The following MAP3K13 variants were observed in gnomAD, a reference collection of about 807,000 sequenced individuals.
MAP3K13 encodes the protein leucine zipper-bearing kinase.
A neutral mutation model predicts 104.0 loss-of-function variants in MAP3K13; 52 were observed. The ratio of observed to expected loss-of-function variants is 0.50; its 90% CI spans 0.40 to 0.63. MAP3K13 has a LOEUF of 0.63. Among genes scored for constraint, MAP3K13 ranks in the 20% least tolerant of loss-of-function variants. The probability of loss-of-function intolerance (pLI) is 0.00; values close to 1 mark genes in which losing one functional copy is unlikely to be tolerated. For synonymous variants in MAP3K13, 394 were observed against 442.2 expected, an observed-to-expected ratio of 0.89 and a Z score of 1.37; for missense variants, 914 against 1,218.5, an observed-to-expected ratio of 0.75 and a Z score of 3.72.
intron 2 of MAP3K13, among the ~76,000 whole-genome samples, chr3:185,336,556 A>T (rs1246058698): frequency 2.3e-5 from 2 of 88,598 alleles, no homozygotes; most frequent in African/African-American, 9.9e-5. Context: ...AAAAAAAAAA[A>T]AGAAAAGAAA....
intron 1 of MAP3K13, among the ~76,000 whole-genome samples, chr3:185,398,503 C>T (rs991152311): frequency 2.6e-5 from 4 of 152,194 alleles, no homozygotes; most frequent in Non-Finnish European, 5.9e-5. Flanking sequence ...GCGTTTGTGG[C>T]TATCTCCCCT....
At chr3:185,407,442 A>T (rs1243698988) in intron 1 of MAP3K13, among the ~76,000 whole-genome samples, 1 of 152,248 alleles carries the variant, frequency 6.6e-6, no homozygotes, top group African/African-American at 2.4e-5. Flanking sequence ...TACACAAAAT[A>T]GAACGTTATA....
chr3:185,295,056 A>G (rs551236173), intron 2 of MAP3K13, among the ~76,000 whole-genome samples: 1 of 152,256 alleles, frequency 6.6e-6, no homozygotes, highest in South Asian at 2.1e-4. Flanking sequence ...TGGTCCTCCA[A>G]TCTAAACTCT....
In MAP3K13 at chr3:185,463,540, C is replaced by T. The variant is rs1389658443; in HGVS notation, c.1279-10C>T. ...TGGAATTTATCAAAATCTAATTTGTCCTTACCCAGGCTGAATGGAGAGAAG... is the reference window on the plus strand; with the variant it reads ...TGGAATTTATCAAAATCTAATTTGTTCTTACCCAGGCTGAATGGAGAGAAG... On this transcript the variant is annotated splice_polypyrimidine_tract_variant and intron_variant, in intron 7 of 13. Transcript: ENST00000265026. 1.3e-6 allele frequency: 2 copies of T among 1,508,960 alleles called. No homozygotes were observed. The highest frequency in any genetic ancestry group is 1.8e-6 in the Non-Finnish European group (2 of 1,086,336). The allele number at this position is 1,508,960 out of a possible 1,614,324, so 93.5% of individuals were successfully genotyped here. A position where few individuals can be genotyped will look rare whatever the true frequency, so the allele number is the denominator to read the frequency against.
At chr3:185,386,136 T>C (rs1401081983) in intron 1 of MAP3K13, among the ~76,000 whole-genome samples, 1 of 151,870 alleles carries the variant, frequency 6.6e-6, no homozygotes, top group Non-Finnish European at 1.5e-5. Flanking sequence ...ATCTACGGAA[T>C]GGGAGAAAAT....
At chr3:185,458,129 G>A (rs551724367) in intron 7 of MAP3K13, among the ~76,000 whole-genome samples, 190 of 152,306 alleles carry the variant, frequency 1.2e-3, no homozygotes, top group African/African-American at 4.4e-3. Flanking sequence ...AGCACTTTGG[G>A]AGACCGAGAT....
At chr3:185,314,032 A>G (rs960748354) in intron 2 of MAP3K13, among the ~76,000 whole-genome samples, 3 of 152,254 alleles carry the variant, frequency 2.0e-5, no homozygotes, top group Admixed American at 6.5e-5. Context: ...TAAGAGATCC[A>G]GATTCAGTCC....
chr3:185,480,535 G>C lies in MAP3K13; in HGVS notation c.2799+6G>C, dbSNP rs934814471. On this transcript the variant is annotated splice_donor_region_variant and intron_variant, in intron 13 of 13. Transcript: ENST00000265026. ...TGGAGGAACGTGGCTATGAGGTGGG[G>C]GCTTCTCCCTTCTCCTCCCATCACT... 6 of 1,610,638 alleles carry C rather than the reference G, an allele frequency of 3.7e-6. No individual in the cohort carries two copies. The highest frequency in any genetic ancestry group is 5.1e-6 in the Non-Finnish European group (6 of 1,177,642).
intron 2 of MAP3K13, among the ~76,000 whole-genome samples, chr3:185,354,608 T>TA (rs557763258): frequency 6.1e-5 from 9 of 146,444 alleles, no homozygotes; most frequent in Non-Finnish European, 1.0e-4. Flanking sequence ...GTTATAAGTA[T>TA]GGGGGGGGGG....
At chr3:185,336,141 G>C (rs1478680307) in intron 2 of MAP3K13, among the ~76,000 whole-genome samples, 1 of 152,156 alleles carries the variant, frequency 6.6e-6, no homozygotes, top group South Asian at 2.1e-4. Flanking sequence ...AGAGAGTAGA[G>C]GCCAAACTTC....
chr3:185,466,875 C>T lies in MAP3K13; in HGVS notation c.1555C>T (p.Pro519Ser). The T allele has an allele frequency of 3.7e-6, 6 of 1,613,954 alleles. No homozygotes were observed. The Admixed American group carries it at 8.3e-5, about 22-fold the overall frequency. Residue 519 changes from proline (P) to serine (S), a missense_variant, in exon 10 of 14, where the codon CCT becomes TCT. Physicochemically the swap from Pro to Ser is moderately conservative, Grantham distance 74. This residue lies in a region of MAP3K13 where 583 missense variants were observed against 737.4 expected (regional missense o/e 0.79). Transcript: ENST00000265026. The stretch of plus-strand genomic sequence containing the variant: ...GTATCCTGGGACCTACAAACGACAC[C>T]CTGTTCGTCCTATCATCCATCCCAA... ...KKYPGTYKRH[P>S]VRPIIHPNAM...
chr3:185,484,478 T>C lies in MAP3K13; in HGVS notation c.*2022T>C, dbSNP rs368386318. On this transcript the variant is annotated 3_prime_UTR_variant, in exon 14 of 14. Transcript: ENST00000265026. ...AGGAAATACTTGCACAGACAGCTGT[T>C]AAACCATTTCCAATGCACATGAAAA... is the stretch of plus-strand genomic sequence containing the variant. 29 of 152,348 alleles carry C rather than the reference T, an allele frequency of 1.9e-4. No homozygotes were observed. Among genetic ancestry groups the C allele is most frequent in the African/African-American group, 6.5e-4 (27 of 41,572 alleles). 9.4% of individuals were successfully genotyped at this position (152,348 alleles called of 1,614,324 possible).
At chr3:185,453,966 T>TAC (rs1474939598) in intron 7 of MAP3K13, among the ~76,000 whole-genome samples, 22 of 24,146 alleles carry the variant, frequency 9.1e-4, no homozygotes, top group African/African-American at 2.0e-3. Context: ...GAGATATATA[T>TAC]GATACATATA....
rs1443053342 is a variant in MAP3K13, at chr3:185,486,425, A to G, written c.*3969A>G. ...GGTCCTTAGTGGAGGTTAAAAAGGG[A>G]AATACCTTCTCTAGCCCAGCCTGGT... is the stretch of plus-strand genomic sequence containing the variant. On this transcript the variant is annotated 3_prime_UTR_variant, in exon 14 of 14. Coordinates refer to ENST00000265026, the MANE Select transcript of MAP3K13 (RefSeq NM_004721.5). 2.7e-5 allele frequency: 4 copies of G among 150,532 alleles called. No individual in the cohort carries two copies. Among genetic ancestry groups the G allele is most frequent in the Admixed American group, 6.6e-5 (1 of 15,212 alleles). The allele number at this position is 150,532 out of a possible 1,614,324, so 9.3% of individuals were successfully genotyped here.
chr3:185,343,058 C>A (rs549280890), intron 2 of MAP3K13, among the ~76,000 whole-genome samples: 1 of 152,112 alleles, frequency 6.6e-6, no homozygotes. Flanking sequence ...CCTTGCCATG[C>A]GGGGTTCCCC....
chr3:185,476,981 G>C (rs943015823), intron 11 of MAP3K13: 1 of 406,622 alleles, frequency 2.5e-6, no homozygotes. Context: ...TAGTGACAAT[G>C]ATTACAAGAG....
chr3:185,319,081 A>G lies in MAP3K13; in HGVS notation c.-86+33438A>G, dbSNP rs369947173. Among the ~76,000 whole-genome samples, 48 of 152,350 alleles carry G rather than the reference A, an allele frequency of 3.2e-4. No homozygotes were observed. In the East Asian group the frequency reaches 6.2e-3, roughly 20 times the overall value. On this transcript the variant is annotated intron_variant, in intron 2 of 14. Transcript: ENST00000424227. ...TTTTTCATGTTTTTGAACTTTATAA[A>G]AATGAAATCCTATTGTATGTCTTTT...
upstream of MAP3K13, among the ~76,000 whole-genome samples, chr3:185,361,063 A>T (rs73052891): frequency 0.017 from 2,467 of 147,980 alleles, 73 homozygotes; most frequent in African/African-American, 0.058. Flanking sequence ...CTGACCTCAG[A>T]TTTTATATGT....
intron 2 of MAP3K13, among the ~76,000 whole-genome samples, chr3:185,290,603 G>A (rs1447010461): frequency 6.6e-6 from 1 of 152,178 alleles, no homozygotes; most frequent in African/African-American, 2.4e-5. Context: ...TGGAGCCAGA[G>A]AGCCCAAGTT....
Sources: gnomAD v4.1 joint callset for allele counts (sites outside exome capture counted in the v4.1 genomes callset) on GRCh38, gnomAD v4.1.1 for gene constraint, gnomAD v4.1.1 regional missense constraint, MANE v1.5 for transcripts, NCBI Gene and HGNC (gene_info 2026-07-23, HGNC 2026-07-21) for gene names.